The following PCYT1B variants were observed in gnomAD, a reference collection of about 807,000 sequenced individuals.
PCYT1B encodes choline-phosphate cytidylyltransferase B.
Under a neutral mutation model 26.4 loss-of-function variants are expected in PCYT1B, and 10 were observed. That is an observed-to-expected ratio of 0.38 (90% CI 0.23 to 0.64). The LOEUF (loss-of-function observed/expected upper bound fraction) is 0.64, where lower values mean the gene tolerates loss of function less well. Among genes scored for constraint, PCYT1B ranks in the 30% least tolerant of loss-of-function variants. The pLI is 0.56. For missense variants in PCYT1B, 161 were observed against 292.7 expected (o/e 0.55, Z 3.28); for synonymous variants, 131 against 108.4 (o/e 1.21, Z -1.29).
chrX:24,662,336 A>G (rs775501796), intron 1 of PCYT1B, among the ~76,000 whole-genome samples: 1 of 112,081 alleles, frequency 8.9e-6, no homozygotes, highest in East Asian at 2.8e-4. Context: ...ACATTTAGCA[A>G]TGTCTGGAGA....
rs186831477 is a variant in PCYT1B at position 24,655,157 on chromosome X, T to C, written c.63+17413A>G. On this transcript the variant is annotated intron_variant, in intron 1 of 7. Coordinates refer to the PCYT1B transcript ENST00000379145. ...AAAAATTTCAAATGAATGAACAAAT[T>C]CAGAGCAGTTAAGTGATTTGACCAT... Among the ~76,000 whole-genome samples, 3 of 112,379 alleles carry C rather than the reference T, an allele frequency of 2.7e-5. No homozygotes were observed. In the East Asian group the frequency reaches 8.4e-4, roughly 31 times the overall value.
chrX:24,614,920 A>G (rs1925437836), intron 2 of PCYT1B, among the ~76,000 whole-genome samples: 1 of 111,946 alleles, frequency 8.9e-6, no homozygotes, highest in African/African-American at 3.2e-5. Context: ...TGTGGTTCTC[A>G]AAGTGTGGTC....
chrX:24,633,402 G>A (rs952222243), intron 1 of PCYT1B, among the ~76,000 whole-genome samples: 2 of 109,908 alleles, frequency 1.8e-5, no homozygotes, highest in Non-Finnish European at 3.8e-5. Flanking sequence ...GGCCAGGCAC[G>A]GTGGCTCACA....
At chrX:24,568,817 G>A (rs1287169447) in intron 7 of PCYT1B, among the ~76,000 whole-genome samples, 1 of 111,415 alleles carries the variant, frequency 9.0e-6, no homozygotes, top group African/African-American at 3.3e-5. Context: ...ATTTGGGGCC[G>A]GGCGCAGTGG....
chrX:24,605,442 T>C (rs973451724), intron 3 of PCYT1B, among the ~76,000 whole-genome samples: 3 of 111,802 alleles, frequency 2.7e-5, no homozygotes, highest in Middle Eastern at 4.2e-3. Flanking sequence ...CTCCGCCCAG[T>C]CACTCTTTTC....
intron 1 of PCYT1B, among the ~76,000 whole-genome samples, chrX:24,623,576 A>C (rs1307768991): frequency 9.1e-6 from 1 of 109,812 alleles, no homozygotes; most frequent in South Asian, 3.9e-4. Flanking sequence ...GAAGATTTCA[A>C]AATACTCAGT....
chrX:24,652,490 C>T (rs377521449), intron 1 of PCYT1B, among the ~76,000 whole-genome samples: 18 of 107,760 alleles, frequency 1.7e-4, no homozygotes, highest in African/African-American at 5.8e-4. Context: ...ACCCAGGAGG[C>T]GGAGGTTGCA....
chrX:24,672,035 G>A (rs191821430), intron 1 of PCYT1B, among the ~76,000 whole-genome samples: 292 of 111,903 alleles, frequency 2.6e-3, no homozygotes, highest in African/African-American at 9.1e-3. Flanking sequence ...GGTGGTGCAC[G>A]CCTGTAGTCC....
At chrX:24,669,245 A>G (rs1461164362) in intron 1 of PCYT1B, among the ~76,000 whole-genome samples, 1 of 111,497 alleles carries the variant, frequency 9.0e-6, no homozygotes, top group Non-Finnish European at 1.9e-5. Context: ...GGCTAGTGTC[A>G]GTGGCTCATG....
At chrX:24,671,882 T>C (rs1312780732) in intron 1 of PCYT1B, among the ~76,000 whole-genome samples, 3 of 112,421 alleles carry the variant, frequency 2.7e-5, no homozygotes, top group African/African-American at 6.5e-5. Context: ...AAAGACCATA[T>C]ACAGTGGTCT....
intron 6 of PCYT1B, among the ~76,000 whole-genome samples, chrX:24,578,792 C>T (rs1278775571): frequency 9.0e-6 from 1 of 111,407 alleles, no homozygotes. Context: ...ACCCTTCAAT[C>T]AAGTCTAAAA....
At chrX:24,646,938 C>T (rs747730170) in intron 1 of PCYT1B, 51 bp downstream of exon 1, 6 of 1,031,241 alleles carry the variant, frequency 5.8e-6, no homozygotes, top group Non-Finnish European at 8.1e-6. Context: ...GCATAAGGAA[C>T]TCTTTTATGC....
chrX:24,647,545 C>A (rs775298058), upstream of PCYT1B, among the ~76,000 whole-genome samples: 5 of 111,902 alleles, frequency 4.5e-5, no homozygotes, highest in South Asian at 1.9e-3. Flanking sequence ...GCACGGGACC[C>A]GGGCTGCGCC....
At chrX:24,605,401 C>T (rs1016144407) in intron 3 of PCYT1B, among the ~76,000 whole-genome samples, 3 of 111,574 alleles carry the variant, frequency 2.7e-5, no homozygotes, top group African/African-American at 9.8e-5. Context: ...GAGGTCTTCC[C>T]TGACCTTTAT....
intron 2 of PCYT1B, among the ~76,000 whole-genome samples, chrX:24,611,026 G>GT (rs1436488711): frequency 1.8e-5 from 2 of 111,956 alleles, no homozygotes; most frequent in Non-Finnish European, 3.8e-5. Context: ...AGGAATTATT[G>GT]TTTTTTCAGG....
At chrX:24,658,655 CTT>C (rs1926975130) in intron 1 of PCYT1B, among the ~76,000 whole-genome samples, 1 of 111,191 alleles carries the variant, frequency 9.0e-6, no homozygotes, top group African/African-American at 3.3e-5. Flanking sequence ...CTGCCTTCCT[CTT>C]TCACTTCAAA....
intron 3 of PCYT1B, among the ~76,000 whole-genome samples, chrX:24,606,744 G>A (rs1036651776): frequency 2.7e-4 from 30 of 111,622 alleles, no homozygotes; most frequent in African/African-American, 8.1e-4. Context: ...GTACATGCCT[G>A]TAATCCCAGC....
intron 1 of PCYT1B, among the ~76,000 whole-genome samples, chrX:24,642,895 CT>C (rs1468492055): frequency 8.9e-6 from 1 of 111,854 alleles, no homozygotes; most frequent in Non-Finnish European, 1.9e-5. Flanking sequence ...CATAATGCAC[CT>C]TCTGCAAGAC....
chrX:24,564,553 C>G (rs1234016838), intron 7 of PCYT1B, among the ~76,000 whole-genome samples: 3 of 109,807 alleles, frequency 2.7e-5, no homozygotes, highest in Non-Finnish European at 5.7e-5. Context: ...GGGGTTTCAC[C>G]GTGTTAGCCA....
Sources: gnomAD v4.1 joint callset for allele counts (sites outside exome capture counted in the v4.1 genomes callset) on GRCh38, gnomAD v4.1.1 for gene constraint, MANE v1.5 for transcripts, NCBI Gene and HGNC (gene_info 2026-07-23, HGNC 2026-07-21) for gene names.